GRIN2D: variants seen among roughly 807,000 people sequenced by gnomAD.
The protein encoded by GRIN2D is glutamate ionotropic receptor NMDA type subunit 2D.
A neutral mutation model predicts 103.2 loss-of-function variants in GRIN2D; 37 were observed. The ratio of observed to expected loss-of-function variants is 0.36; its 90% CI spans 0.28 to 0.47. GRIN2D has a LOEUF of 0.47. Ranked by LOEUF, GRIN2D falls within the 20% of genes least tolerant of loss-of-function variation. GRIN2D has a pLI of 1.00. For synonymous variants in GRIN2D, 845 were observed against 885.6 expected, an observed-to-expected ratio of 0.95 and a Z score of 0.81; for missense variants, 1,557 against 1,910.6, an observed-to-expected ratio of 0.81 and a Z score of 3.45.
In GRIN2D at chr19:48,443,780, G is replaced by A. The variant is rs1485630882; in HGVS notation, c.3854G>A (p.Arg1285His). ...TCGTGCCCTCGCGCCGCCCCTGCGC[G>A]CAGGCTTACCGGGCCCTCCCGCCAC... is the stretch of plus-strand genomic sequence containing the variant. Reference protein sequence around the residue: ...LSSCPRAAPARRLTGPSRHAR... With the variant: ...LSSCPRAAPAHRLTGPSRHAR... The change falls in exon 14 of 14, where the codon CGC becomes CAC. Residue 1285 changes from arginine (R) to histidine (H), a missense_variant. Arg to His is a conservative substitution (Grantham distance 29). Transcript: ENST00000263269. This position sits in a 1 kb window ranked among gnomAD's most constrained non-coding sequence, Gnocchi z 8.9. 1.4e-6 allele frequency: 2 copies of A among 1,446,916 alleles called. No individual in the cohort carries two copies. The highest frequency in any genetic ancestry group is 1.8e-6 in the Non-Finnish European group (2 of 1,107,366). 89.6% of individuals were successfully genotyped at this position (1,446,916 alleles called of 1,614,324 possible). A position where few individuals can be genotyped will look rare whatever the true frequency, so the allele number is the denominator to read the frequency against.
At chr19:48,430,733 A>T (rs1971145882) in intron 11 of GRIN2D, among the ~76,000 whole-genome samples, 1 of 152,034 alleles carries the variant, frequency 6.6e-6, no homozygotes, top group Non-Finnish European at 1.5e-5. Context: ...TTACTGTCTA[A>T]ATCTCTTCTT....
At chr19:48,431,248 A>G (rs1405884700) in intron 11 of GRIN2D, among the ~76,000 whole-genome samples, 1 of 152,174 alleles carries the variant, frequency 6.6e-6, no homozygotes, top group Admixed American at 6.6e-5. Flanking sequence ...CTGTTGTAGC[A>G]CAAATTCTAA....
Position 48,414,633 on chromosome 19 carries a change from G to T in GRIN2D, c.1412+49G>T, listed in dbSNP as rs1432486084. The T allele has an allele frequency of 6.6e-7, 1 of 1,510,246 alleles. No individual in the cohort carries two copies. The highest frequency in any genetic ancestry group is 9.0e-7 in the Non-Finnish European group (1 of 1,112,438). The allele number at this position is 1,510,246 out of a possible 1,614,324, so 93.6% of individuals were successfully genotyped here. On this transcript the variant is annotated intron_variant, in intron 6 of 13. Coordinates refer to ENST00000263269, the MANE Select transcript of GRIN2D (RefSeq NM_000836.4). This position sits in a 1 kb window ranked among gnomAD's most constrained non-coding sequence, Gnocchi z 4.6. ...TCCGGCTCCAAAACCCGCCTCCCGT[G>T]AAGCCCAGTAGTCTGGGCCCCCAGC...
rs569445116 is a variant in GRIN2D at position 48,421,282 on chromosome 19, G to A, written c.2092-503G>A. The stretch of plus-strand genomic sequence containing the variant: ...CATCTCTACTAAAAATACAAAACTG[G>A]CTGGGCATGGTGGTATGTGCCTGTA... On this transcript the variant is annotated intron_variant, in intron 10 of 13. Transcript: ENST00000263269. This position sits in a 1 kb window ranked among gnomAD's most constrained non-coding sequence, Gnocchi z 4.8. 1.9e-3 allele frequency among the ~76,000 whole-genome samples: 287 copies of A among 152,176 alleles called. 1 individual carries two copies. The highest frequency in any genetic ancestry group is 6.3e-3 in the African/African-American group (260 of 41,530).
At chr19:48,407,243 G>T (rs1970804099) in intron 4 of GRIN2D, among the ~76,000 whole-genome samples, 1 of 151,808 alleles carries the variant, frequency 6.6e-6, no homozygotes, top group Admixed American at 6.6e-5. Flanking sequence ...AAAGTGCTGG[G>T]ATTCCAGCCG....
chr19:48,404,109 G>A (rs768978780), intron 3 of GRIN2D, among the ~76,000 whole-genome samples: 12 of 152,134 alleles, frequency 7.9e-5, no homozygotes, highest in Non-Finnish European at 1.6e-4. Flanking sequence ...GCGTGGTGGC[G>A]CACGCCTATA....
intron 7 of GRIN2D, 105 bp downstream of exon 7, chr19:48,415,137 G>A (rs1014031934): frequency 9.3e-6 from 10 of 1,070,714 alleles, no homozygotes; most frequent in Non-Finnish European, 1.3e-5. Context: ...TTGGGAAGCC[G>A]AGGCGGGCGA....
At chr19:48,426,224 C>CTTTTTTTTTTTTTTTTTTTTTTTTTTCTT (rs369360320) in intron 11 of GRIN2D, among the ~76,000 whole-genome samples, 4 of 120,116 alleles carry the variant, frequency 3.3e-5, no homozygotes, top group African/African-American at 7.2e-5. Flanking sequence ...TTCTTTCTTT[C>CTTTTTTTTTTTTTTTTTTTTTTTTTTCTT]TTTTTTTTTT....
At chr19:48,395,306 C>T (rs1052566385) in intron 2 of GRIN2D, among the ~76,000 whole-genome samples, 2 of 151,678 alleles carry the variant, frequency 1.3e-5, no homozygotes, top group Non-Finnish European at 2.9e-5. Context: ...GGTCCTCTCC[C>T]TCTCTCCTCT....
chr19:48,409,260 T>C (rs1458702592), intron 4 of GRIN2D, among the ~76,000 whole-genome samples: 1 of 149,852 alleles, frequency 6.7e-6, no homozygotes, highest in Non-Finnish European at 1.5e-5. Flanking sequence ...ACAATGGCAA[T>C]GGCAATTAAA....
chr19:48,402,166 A>AAGAAAGAAAGAAAGAAAGAAAGAGAGAG (rs748167336), intron 3 of GRIN2D, among the ~76,000 whole-genome samples: 29 of 80,076 alleles, frequency 3.6e-4, no homozygotes, highest in African/African-American at 1.3e-3. Flanking sequence ...GAAAGAAAGA[A>AAGAAAGAAAGAAAGAAAGAAAGAGAGAG]AGAGAGAAAA....
intron 11 of GRIN2D, among the ~76,000 whole-genome samples, chr19:48,422,609 CAA>C (rs551643081): frequency 2.0e-4 from 24 of 122,354 alleles, no homozygotes; most frequent in African/African-American, 3.0e-4. Flanking sequence ...GACTCCGTCT[CAA>C]AAAAAAAAAA....
chr19:48,423,072 G>A (rs540099788), intron 11 of GRIN2D, among the ~76,000 whole-genome samples: 53 of 152,268 alleles, frequency 3.5e-4, no homozygotes, highest in African/African-American at 1.2e-3. Context: ...TTAGCCGGGC[G>A]TGGTGGCGGG....
Position 48,443,380 on chromosome 19 carries a change from T to C in GRIN2D, c.3454T>C (p.Tyr1152His). 1 of 1,472,266 alleles carries C rather than the reference T, an allele frequency of 6.8e-7. No individual in the cohort carries two copies. Among genetic ancestry groups the C allele is most frequent in the Non-Finnish European group, 8.9e-7 (1 of 1,117,924 alleles). The allele number at this position is 1,472,266 out of a possible 1,614,324, so 91.2% of individuals were successfully genotyped here. A position where few individuals can be genotyped will look rare whatever the true frequency, so the allele number is the denominator to read the frequency against. The change falls in exon 14 of 14, where the codon TAC becomes CAC. Residue 1152 changes from tyrosine to histidine, a missense_variant. Around this residue, in one of 7 missense-constraint regions of GRIN2D, gnomAD observed 632 missense variants for 572.8 expected, o/e 1.10. Coordinates refer to ENST00000263269, the MANE Select transcript of GRIN2D (RefSeq NM_000836.4). The surrounding 1 kb of genome is among the most constrained non-coding windows in gnomAD (Gnocchi z 8.9). ...GCGCCTCGGGCCGCCGCCCGGCCGC[T>C]ACTGGTCGGTCGACAAGCTCGGGGG... ...AERLGPPPGR[Y>H]WSVDKLGGWR...
chr19:48,426,224 C>CTTTCTTTCTTTTTTTTTTTTTTTTTTTTT (rs1555893889), intron 11 of GRIN2D, among the ~76,000 whole-genome samples: 3 of 120,118 alleles, frequency 2.5e-5, no homozygotes, highest in African/African-American at 1.1e-4. Flanking sequence ...TTCTTTCTTT[C>CTTTCTTTCTTTTTTTTTTTTTTTTTTTTT]TTTTTTTTTT....
rs538016300 is a variant in GRIN2D, at chr19:48,424,725, G to T, written c.2252+2780G>T. Among the ~76,000 whole-genome samples, 5 of 152,202 alleles carry T rather than the reference G, an allele frequency of 3.3e-5. No individual in the cohort carries two copies. In the South Asian group the frequency reaches 1.0e-3, roughly 32 times the overall value. ...CATTTTACACTCACAGCACATCTAG[G>T]TTCAGAGTGACCACATTTCAAGTGA... is the stretch of plus-strand genomic sequence containing the variant. On this transcript the variant is annotated intron_variant, in intron 11 of 13. Coordinates refer to ENST00000263269, the MANE Select transcript of GRIN2D (RefSeq NM_000836.4).
At position 48,402,166 on chromosome 19, in the gene GRIN2D, A is replaced by AAGAAAGAAAGAAAGAAAGAAAGAG. The variant is rs748167336; in HGVS notation, c.466-2565_466-2564insAAGAAAGAAAGAAAGAAAGAGAGA. Among the ~76,000 whole-genome samples the AAGAAAGAAAGAAAGAAAGAAAGAG allele has an allele frequency of 5.1e-3, 411 of 79,994 alleles. 3 individuals carry two copies. The highest frequency in any genetic ancestry group is 0.017 in the Middle Eastern group (3 of 176). 52.5% of individuals were successfully genotyped at this position (79,994 alleles called of 152,430 possible). On this transcript the variant is annotated intron_variant, in intron 3 of 13. Coordinates refer to ENST00000263269, the MANE Select transcript of GRIN2D (RefSeq NM_000836.4). ...AAAGAAAGAAAGAAAGAAAGAAAGA[A>AAGAAAGAAAGAAAGAAAGAAAGAG]AGAGAGAAAAGAAAACAGAGATGGG...
chr19:48,400,243 G>A (rs1324566534), intron 3 of GRIN2D, among the ~76,000 whole-genome samples: 1 of 151,984 alleles, frequency 6.6e-6, no homozygotes, highest in African/African-American at 2.4e-5. Flanking sequence ...AGGAGGTGGG[G>A]CCTGAGAAGG....
intron 10 of GRIN2D, among the ~76,000 whole-genome samples, chr19:48,420,848 C>T (rs1461501525): frequency 6.6e-6 from 1 of 152,082 alleles, no homozygotes; most frequent in Non-Finnish European, 1.5e-5. Context: ...AAAAGCCAAA[C>T]TCACATTTTT....
Sources: allele counts gnomAD v4.1 joint callset (sites outside exome capture counted in the v4.1 genomes callset), GRCh38; gene constraint gnomAD v4.1.1; regional missense constraint gnomAD v4.1.1; non-coding constraint Gnocchi (gnomAD v3.1); transcripts MANE v1.5; gene names NCBI Gene and HGNC (gene_info 2026-07-23, HGNC 2026-07-21).